EEA1: variants seen among roughly 807,000 people sequenced by gnomAD.
The protein encoded by EEA1 is early endosome antigen 1, also known as early endosome antigen 1, 162kD.
In EEA1, 111 loss-of-function variants were observed where a neutral mutation model predicts 209.2. The ratio of observed to expected loss-of-function variants is 0.53; its 90% CI spans 0.45 to 0.62. The LOEUF (loss-of-function observed/expected upper bound fraction) is 0.62, where lower values mean the gene tolerates loss of function less well. Ranked by LOEUF, EEA1 falls within the 20% of genes least tolerant of loss-of-function variation. The probability of loss-of-function intolerance (pLI) is 0.00; values close to 1 mark genes in which losing one functional copy is unlikely to be tolerated. For missense variants in EEA1, 1,343 were observed against 1,530.8 expected (o/e 0.88, Z 2.05); for synonymous variants, 536 against 540.6 (o/e 0.99, Z 0.12).
chr12:92,872,529 A>C (rs1303932885), intron 2 of EEA1, among the ~76,000 whole-genome samples: 1 of 152,224 alleles, frequency 6.6e-6, no homozygotes, highest in Non-Finnish European at 1.5e-5. Context: ...TCTTCCTTGT[A>C]ATTTTCTGAG....
At position 92,774,481 on chromosome 12, in the gene EEA1, T is replaced by C. The variant is rs531663229; in HGVS notation, c.*1530A>G. On this transcript the variant is annotated 3_prime_UTR_variant, in exon 29 of 29. Transcript: ENST00000322349. Reference sequence around the variant, plus strand: ...AATATTAACTACTGTTATAAAATGATTGCACTGAATGAATGTATAACTACA... The same window carrying C: ...AATATTAACTACTGTTATAAAATGACTGCACTGAATGAATGTATAACTACA... The C allele has an allele frequency of 1.3e-5, 2 of 151,758 alleles. No individual in the cohort carries two copies. The highest frequency in any genetic ancestry group is 4.1e-4 in the South Asian group (2 of 4,826). The allele number at this position is 151,758 out of a possible 1,614,324, so 9.4% of individuals were successfully genotyped here. A position where few individuals can be genotyped will look rare whatever the true frequency, so the allele number is the denominator to read the frequency against.
intron 10 of EEA1, among the ~76,000 whole-genome samples, chr12:92,833,380 T>G (rs1876751343): frequency 6.6e-6 from 1 of 152,188 alleles, no homozygotes; most frequent in African/African-American, 2.4e-5. Flanking sequence ...CAAATTTTTT[T>G]CTAGGTGTAT....
At chr12:92,877,232 G>A (rs1878948260) in intron 2 of EEA1, among the ~76,000 whole-genome samples, 1 of 151,436 alleles carries the variant, frequency 6.6e-6, no homozygotes, top group Non-Finnish European at 1.5e-5. Flanking sequence ...GCCAGCCTGG[G>A]CATCCAAGTG....
chr12:92,780,140 G>A, intron 24 of EEA1, 140 bp downstream of exon 24: 2 of 840,476 alleles, frequency 2.4e-6, no homozygotes, highest in Non-Finnish European at 3.5e-6. Context: ...ACTCTGGCAA[G>A]AGTATTTGTC....
intron 10 of EEA1, among the ~76,000 whole-genome samples, chr12:92,838,198 G>A (rs1476931007): frequency 2.0e-5 from 3 of 152,054 alleles, no homozygotes; most frequent in South Asian, 4.1e-4. Flanking sequence ...ATAGCCACAG[G>A]ACTTCTTTCA....
chr12:92,815,404 TAA>T (rs1383465856), intron 15 of EEA1, among the ~76,000 whole-genome samples: 5 of 152,204 alleles, frequency 3.3e-5, no homozygotes, highest in Admixed American at 3.3e-4. Flanking sequence ...GACATCCACA[TAA>T]CAGGTTATCT....
At chr12:92,809,222 TATAAC>T in intron 17 of EEA1, 66 bp from the exon 18 acceptor site, 1 of 1,238,222 alleles carries the variant, frequency 8.1e-7, no homozygotes, top group Non-Finnish European at 1.1e-6. Context: ...TATTAAATAC[TATAAC>T]ATTTTTGTTT....
intron 24 of EEA1, among the ~76,000 whole-genome samples, chr12:92,779,533 GA>G (rs1173502665): frequency 2.0e-5 from 3 of 151,410 alleles, no homozygotes; most frequent in Non-Finnish European, 3.0e-5. Context: ...TGATTATGTG[GA>G]GAAAAAAAAA....
chr12:92,838,191 G>A (rs1014453082), intron 10 of EEA1, among the ~76,000 whole-genome samples: 1 of 152,160 alleles, frequency 6.6e-6, no homozygotes, highest in Non-Finnish European at 1.5e-5. Context: ...TCATAAAATA[G>A]CCACAGGACT....
chr12:92,899,793 TCC>T lies in EEA1; in HGVS notation c.25-8074_25-8073del, dbSNP rs1880074751. On this transcript the variant is annotated intron_variant, in intron 1 of 28. Coordinates refer to ENST00000322349, the MANE Select transcript of EEA1 (RefSeq NM_003566.4). Reference sequence around the variant, plus strand: ...CTCATTTTCTTTGTCCTTACAATCTTCCTAAAATGCCTATGCTTTTTTGGAAG... The same window carrying T: ...CTCATTTTCTTTGTCCTTACAATCTTTAAAATGCCTATGCTTTTTTGGAAG... 2.0e-5 allele frequency among the ~76,000 whole-genome samples: 3 copies of T among 152,364 alleles called. No individual in the cohort carries two copies. In the South Asian group the frequency reaches 6.2e-4, roughly 32 times the overall value.
In EEA1 at chr12:92,828,053, G is replaced by T; in HGVS notation, c.1263C>A (p.Ser421Arg). 1 of 1,550,752 alleles carries T rather than the reference G, an allele frequency of 6.4e-7. No homozygotes were observed. The highest frequency in any genetic ancestry group is 1.3e-5 in the South Asian group (1 of 79,378). Residue 421 changes from serine (S) to arginine (R), a missense_variant, in exon 12 of 29, where the codon AGC becomes AGA. Physicochemically the swap from Ser to Arg is moderately radical, Grantham distance 110. This residue lies in a region of EEA1 where 1,307 missense variants were observed against 1,465.5 expected (regional missense o/e 0.89). Coordinates refer to ENST00000322349, the MANE Select transcript of EEA1 (RefSeq NM_003566.4). ...GTTGGCGCTCTGTCTCCAGAAGTTT[G>T]CTATGTAACTTTAAAAAAAGAAAAA... ...QLQSEINQLH[S>R]KLLETERQLG...
intron 1 of EEA1, among the ~76,000 whole-genome samples, chr12:92,912,744 G>A (rs2264421): frequency 0.016 from 2,501 of 151,798 alleles, 24 homozygotes; most frequent in Non-Finnish European, 0.025. Context: ...CCATCTTTAC[G>A]TCTATCTGTA....
chr12:92,779,912 A>G (rs1421299549), intron 24 of EEA1, among the ~76,000 whole-genome samples: 2 of 152,170 alleles, frequency 1.3e-5, no homozygotes, highest in Admixed American at 1.3e-4. Flanking sequence ...GACTTTAGGA[A>G]GAAAAATAAT....
Position 92,899,221 on chromosome 12 carries a change from A to G in EEA1, c.25-7500T>C, listed in dbSNP as rs575615259. On this transcript the variant is annotated intron_variant, in intron 1 of 28. Transcript: ENST00000322349. ...ACAGTACCCACTACCCGAAATGATG[A>G]AATTGTAAGGCTTTCATCCTCAGAG... Among the ~76,000 whole-genome samples the G allele has an allele frequency of 4.6e-5, 7 of 152,280 alleles. No individual in the cohort carries two copies. The East Asian group carries it at 5.8e-4, about 13-fold the overall frequency.
At chr12:92,920,302 C>A (rs1477194397) in intron 1 of EEA1, among the ~76,000 whole-genome samples, 6 of 112,314 alleles carry the variant, frequency 5.3e-5, no homozygotes, top group African/African-American at 2.5e-4. Flanking sequence ...CAATCCTAAG[C>A]CAAAAGAACA....
intron 18 of EEA1, among the ~76,000 whole-genome samples, chr12:92,805,843 C>T (rs1565815523): frequency 2.0e-5 from 3 of 152,126 alleles, no homozygotes; most frequent in Non-Finnish European, 1.5e-5. Flanking sequence ...ACTAATAAAT[C>T]GTATAGGTCC....
chr12:92,906,609 G>A (rs1426259503), intron 1 of EEA1, among the ~76,000 whole-genome samples: 4 of 152,048 alleles, frequency 2.6e-5, no homozygotes, highest in African/African-American at 9.7e-5. Context: ...TCAGGAGATC[G>A]AGACCATCCT....
At chr12:92,813,155 C>T (rs1019544300) in intron 15 of EEA1, 62 bp from the exon 16 acceptor site, 11 of 1,059,852 alleles carry the variant, frequency 1.0e-5, no homozygotes, top group African/African-American at 4.8e-5. Context: ...CTTGCTTGAA[C>T]GCACACTCCT....
chr12:92,916,612 A>G (rs1164551924), intron 1 of EEA1, among the ~76,000 whole-genome samples: 1 of 40,772 alleles, frequency 2.5e-5, no homozygotes, highest in Non-Finnish European at 6.0e-5. Context: ...ATCATCAAAG[A>G]CCAAAAGTAG....
Sources: allele counts gnomAD v4.1 joint callset (sites outside exome capture counted in the v4.1 genomes callset), GRCh38; gene constraint gnomAD v4.1.1; regional missense constraint gnomAD v4.1.1; transcripts MANE v1.5; gene names NCBI Gene and HGNC (gene_info 2026-07-23, HGNC 2026-07-21).